Variants in ESAM observed in about 807,000 individuals in gnomAD.
The protein encoded by ESAM is endothelial cell-selective adhesion molecule.
In ESAM, 23 loss-of-function variants were observed where a neutral mutation model predicts 31.8. That is an observed-to-expected ratio of 0.72 (90% CI 0.52 to 1.03). The LOEUF is 1.03. Ranked by LOEUF, ESAM falls within the 50% of genes least tolerant of loss-of-function variation. The probability of loss-of-function intolerance (pLI) is 0.00; values close to 1 mark genes in which losing one functional copy is unlikely to be tolerated. For synonymous variants in ESAM, 216 were observed against 207.2 expected, an observed-to-expected ratio of 1.04 and a Z score of -0.37; for missense variants, 478 against 488.9, an observed-to-expected ratio of 0.98 and a Z score of 0.21.
In ESAM at chr11:124,753,630, A is replaced by G. The variant is rs780094087; in HGVS notation, c.*16T>C. 4.3e-6 allele frequency: 7 copies of G among 1,612,936 alleles called. No homozygotes were observed. The African/African-American group carries it at 5.3e-5, about 12-fold the overall frequency. ...GGAGAGACCCCAAATCCTTTAGCCA[A>G]TGAGTGGTGGGGTCATCATACCAGA... On this transcript the variant is annotated 3_prime_UTR_variant, in exon 7 of 7. Coordinates refer to ENST00000278927, the MANE Select transcript of ESAM (RefSeq NM_138961.3).
At chr11:124,758,144 T>C (rs1240452223) in intron 2 of ESAM, among the ~76,000 whole-genome samples, 2 of 152,158 alleles carry the variant, frequency 1.3e-5, no homozygotes, top group East Asian at 3.8e-4. Flanking sequence ...GTGTGCTGGA[T>C]TTTTAGGGAA....
rs1944131190 is a variant in ESAM, at chr11:124,754,461, A to T, written c.731-121T>A. On this transcript the variant is annotated intron_variant, in intron 5 of 6. Transcript: ENST00000278927. The surrounding 1 kb of genome is among the most constrained non-coding windows in gnomAD (Gnocchi z 4.5). ...TTCCCTCTTTTTCCCTGTCAAGAAG[A>T]GGGGTGGCTGTTGAGCAGGAAATGA... 1 of 1,506,292 alleles carries T rather than the reference A, an allele frequency of 6.6e-7. No homozygotes were observed. Among genetic ancestry groups the T allele is most frequent in the Non-Finnish European group, 8.9e-7 (1 of 1,121,980 alleles). 93.3% of individuals were successfully genotyped at this position (1,506,292 alleles called of 1,614,324 possible). A position where few individuals can be genotyped will look rare whatever the true frequency, so the allele number is the denominator to read the frequency against.
intron 3 of ESAM, 66 bp downstream of exon 3, chr11:124,756,475 G>A (rs952214907): frequency 2.4e-5 from 39 of 1,596,552 alleles, no homozygotes; most frequent in Non-Finnish European, 2.7e-5. Flanking sequence ...TTGTCATTTA[G>A]GAGAGAGACT....
At chr11:124,755,684 A>G (rs1288124612) in intron 4 of ESAM, among the ~76,000 whole-genome samples, 1 of 152,234 alleles carries the variant, frequency 6.6e-6, no homozygotes, top group Non-Finnish European at 1.5e-5. Context: ...TTTTACTTAG[A>G]TATTTTAAAG....
intron 4 of ESAM, among the ~76,000 whole-genome samples, chr11:124,755,629 A>T (rs1171265302): frequency 6.6e-6 from 1 of 152,180 alleles, no homozygotes; most frequent in Admixed American, 6.5e-5. Flanking sequence ...CACAACCTAG[A>T]TCCAACAGTT....
At position 124,754,412 on chromosome 11, in the gene ESAM, C is replaced by A; in HGVS notation, c.731-72G>T. 1 of 1,568,572 alleles carries A rather than the reference C, an allele frequency of 6.4e-7. No individual in the cohort carries two copies. Among genetic ancestry groups the A allele is most frequent in the South Asian group, 1.2e-5 (1 of 84,250 alleles). ...TCACCCCTCTCCAATCCCACTCTCC[C>A]CACCCCATCTGCCACCATACACATT... is the stretch of plus-strand genomic sequence containing the variant. On this transcript the variant is annotated intron_variant, in intron 5 of 6. Coordinates refer to ENST00000278927, the MANE Select transcript of ESAM (RefSeq NM_138961.3). The surrounding 1 kb of genome is among the most constrained non-coding windows in gnomAD (Gnocchi z 4.5).
chr11:124,759,904 C>A lies in ESAM; in HGVS notation c.71-1377G>T, dbSNP rs948092326. ...CTGGGGACCCGGCCCGCTGGCCATT[C>A]CGCTGAGGCCGGGCACGCCTGGAGC... is the stretch of plus-strand genomic sequence containing the variant. On this transcript the variant is annotated intron_variant, in intron 1 of 6. Coordinates refer to ENST00000278927, the MANE Select transcript of ESAM (RefSeq NM_138961.3). This position sits in a 1 kb window ranked among gnomAD's most constrained non-coding sequence, Gnocchi z 6.8. Among the ~76,000 whole-genome samples the A allele has an allele frequency of 6.6e-6, 1 of 152,242 alleles. No homozygotes were observed. The highest frequency in any genetic ancestry group is 1.5e-5 in the Non-Finnish European group (1 of 68,036).
Position 124,753,861 on chromosome 11 carries a change from G to C in ESAM, c.958C>G (p.Arg320Gly), listed in dbSNP as rs200154876. ...LSSVTSARAL[R>G]PPHGPPRPGA... ...GGCCTGGGAGGGCCATGGGGTGGCC[G>C]GAGGGCTCGTGCGGAGGTGACAGAG... Residue 320 changes from arginine (R) to glycine (G), a missense_variant, in exon 7 of 7, where the codon CGG (arginine) becomes GGG (glycine). Coordinates refer to ENST00000278927, the MANE Select transcript of ESAM (RefSeq NM_138961.3). 1 of 1,613,882 alleles carries C rather than the reference G, an allele frequency of 6.2e-7. No individual in the cohort carries two copies. Among genetic ancestry groups the C allele is most frequent in the East Asian group, 2.2e-5 (1 of 44,872 alleles).
rs199848606 is a variant in ESAM, at chr11:124,756,304, C to T, written c.510G>A (p.Val170=). Residue 170 remains valine (V), a synonymous_variant, in exon 4 of 7, where the codon GTG becomes GTA. Transcript: ENST00000278927. ...TCCTTGGAGACTGGCAGCTCAGGGT[C>T]ACGTTTGCCCCCACATGGGGCACAC... ...LQGVPHVGAN[V]TLSCQSPRSK... is the part of the protein sequence containing the mutation. 6.2e-7 allele frequency: 1 copy of T among 1,613,124 alleles called. No individual in the cohort carries two copies. The highest frequency in any genetic ancestry group is 1.3e-5 in the African/African-American group (1 of 74,936).
chr11:124,754,511 CAA>C lies in ESAM; in HGVS notation c.730+128_730+129del. ...ACCAGTCACTGACCAACCATTTGTA[CAA>C]ACATTTGATCAGGGGAAGCTCCGTG... On this transcript the variant is annotated intron_variant, in intron 5 of 6. Coordinates refer to ENST00000278927, the MANE Select transcript of ESAM (RefSeq NM_138961.3). This position sits in a 1 kb window ranked among gnomAD's most constrained non-coding sequence, Gnocchi z 4.5. The C allele has an allele frequency of 1.3e-6, 2 of 1,509,886 alleles. No homozygotes were observed. The allele number at this position is 1,509,886 out of a possible 1,614,324, so 93.5% of individuals were successfully genotyped here. A position where few individuals can be genotyped will look rare whatever the true frequency, so the allele number is the denominator to read the frequency against.
At chr11:124,761,852 G>C (rs975629405) in intron 1 of ESAM, among the ~76,000 whole-genome samples, 1 of 152,050 alleles carries the variant, frequency 6.6e-6, no homozygotes, top group Non-Finnish European at 1.5e-5. Context: ...CAGGTCTTCC[G>C]AGAGATGCCC....
Position 124,756,671 on chromosome 11 carries a change from C to A in ESAM, c.321G>T (p.Arg107=), listed in dbSNP as rs1944159105. The A allele has an allele frequency of 6.2e-7, 1 of 1,614,022 alleles. No homozygotes were observed. The highest frequency in any genetic ancestry group is 8.5e-7 in the Non-Finnish European group (1 of 1,180,046). ...GVSLVYSMPS[R]NLSLRLEGLQ... The stretch of plus-strand genomic sequence containing the variant: ...GACCCTCCAGCCGCAGGGACAGGTT[C>A]CGGGAGGGCATGGAGTAGACCAAGG... The change falls in exon 3 of 7, where the codon CGG becomes CGT. Residue 107 remains arginine (R), a synonymous_variant. Coordinates refer to ENST00000278927, the MANE Select transcript of ESAM (RefSeq NM_138961.3).
chr11:124,756,779 A>G (rs1944160413), intron 2 of ESAM, 37 bp from the exon 3 acceptor site: 1 of 1,595,664 alleles, frequency 6.3e-7, no homozygotes, highest in Non-Finnish European at 8.5e-7. Context: ...TCATTACTAC[A>G]TGTGTCTACT....
Position 124,758,402 on chromosome 11 carries a change from A to G in ESAM, c.196T>C (p.Trp66Arg). 1 of 1,614,138 alleles carries G rather than the reference A, an allele frequency of 6.2e-7. No homozygotes were observed. ...AACCACATCACAAAGGGCACCTCCC[A>G]TGGCTGGGATGAAGACACCTCCCCG... is the stretch of plus-strand genomic sequence containing the variant. ...LHGEVSSSQP[W>R]EVPFVMWFFK... The change falls in exon 2 of 7, where the codon TGG (tryptophan) becomes CGG (arginine). Residue 66 changes from tryptophan (W) to arginine (R), a missense_variant. By Grantham distance (101) the Trp-to-Arg change is moderately radical. Coordinates refer to ENST00000278927, the MANE Select transcript of ESAM (RefSeq NM_138961.3).
rs1451866735 is a variant in ESAM at position 124,759,468 on chromosome 11, T to C, written c.71-941A>G. 3.3e-5 allele frequency: 5 copies of C among 152,274 alleles called. No homozygotes were observed. The highest frequency in any genetic ancestry group is 1.2e-4 in the African/African-American group (5 of 41,440). 9.4% of individuals were successfully genotyped at this position (152,274 alleles called of 1,614,324 possible). A position where few individuals can be genotyped will look rare whatever the true frequency, so the allele number is the denominator to read the frequency against. On this transcript the variant is annotated intron_variant, in intron 1 of 6. Transcript: ENST00000278927. The surrounding 1 kb of genome is among the most constrained non-coding windows in gnomAD (Gnocchi z 6.8). Reference sequence around the variant, plus strand: ...TGCACACGGCCAGGCCTGAGGATGATCGCCGCTCCAGTCCCGGGCCCTACT... The same window carrying C: ...TGCACACGGCCAGGCCTGAGGATGACCGCCGCTCCAGTCCCGGGCCCTACT...
At chr11:124,756,785 C>A in intron 2 of ESAM, 43 bp from the exon 3 acceptor site, 1 of 1,566,282 alleles carries the variant, frequency 6.4e-7, no homozygotes, top group South Asian at 1.2e-5. Flanking sequence ...CTACATGTGT[C>A]TACTGTGCCT....
chr11:124,758,643 A>C, intron 1 of ESAM, 116 bp from the exon 2 acceptor site: 1 of 1,278,876 alleles, frequency 7.8e-7, no homozygotes, highest in Non-Finnish European at 1.0e-6. Flanking sequence ...GGAAAGAGGA[A>C]CCTTGCGGGG....
chr11:124,754,435 A>G lies in ESAM; in HGVS notation c.731-95T>C, dbSNP rs771396342. On this transcript the variant is annotated intron_variant, in intron 5 of 6. Transcript: ENST00000278927. The surrounding 1 kb of genome is among the most constrained non-coding windows in gnomAD (Gnocchi z 4.5). ...CCCCACCCCATCTGCCACCATACAC[A>G]TTCCCTCTTTTTCCCTGTCAAGAAG... 3.3e-6 allele frequency: 5 copies of G among 1,528,072 alleles called. No homozygotes were observed. Among genetic ancestry groups the G allele is most frequent in the Non-Finnish European group, 4.4e-6 (5 of 1,135,410 alleles). 94.7% of individuals were successfully genotyped at this position (1,528,072 alleles called of 1,614,324 possible).
At chr11:124,757,684 A>T (rs1459650171) in intron 2 of ESAM, 1 of 150,886 alleles carries the variant, frequency 6.6e-6, no homozygotes, top group Admixed American at 6.6e-5. Context: ...GAAAACAGAA[A>T]TATGCTAACT....
Sources: gnomAD v4.1 joint callset for allele counts (sites outside exome capture counted in the v4.1 genomes callset) on GRCh38, gnomAD v4.1.1 for gene constraint, Gnocchi (gnomAD v3.1) non-coding constraint, MANE v1.5 for transcripts, NCBI Gene and HGNC (gene_info 2026-07-23, HGNC 2026-07-21) for gene names.